FLNB: variants seen among roughly 807,000 people sequenced by gnomAD.
The protein encoded by FLNB is filamin-B.
In FLNB, 111 loss-of-function variants were observed where a neutral mutation model predicts 250.6. The observed-to-expected ratio is 0.44, with a 90% CI of 0.38 to 0.52. The LOEUF (loss-of-function observed/expected upper bound fraction) is 0.52, where lower values mean the gene tolerates loss of function less well. FLNB is among the 20% of genes least tolerant of loss of function. The pLI, the probability that FLNB is intolerant of heterozygous loss-of-function variation, is 0.00. For synonymous variants in FLNB, 1,302 were observed against 1,372.1 expected, an observed-to-expected ratio of 0.95 and a Z score of 1.13; for missense variants, 2,869 against 3,447.8, an observed-to-expected ratio of 0.83 and a Z score of 4.20.
intron 4 of FLNB, among the ~76,000 whole-genome samples, chr3:58,091,549 G>GA (rs1424598639): frequency 6.6e-6 from 1 of 151,412 alleles, no homozygotes; most frequent in Non-Finnish European, 1.5e-5. Context: ...AAAACTTTGA[G>GA]AAAAAAACAT....
intron 1 of FLNB, among the ~76,000 whole-genome samples, chr3:58,076,521 G>A (rs867835065): frequency 2.6e-5 from 4 of 152,006 alleles, no homozygotes; most frequent in Non-Finnish European, 5.9e-5. Context: ...GTGGCGTGAC[G>A]TCAGCTCTCT....
chr3:58,115,268 T>G (rs2097275948), intron 18 of FLNB, among the ~76,000 whole-genome samples: 1 of 152,216 alleles, frequency 6.6e-6, no homozygotes, highest in Non-Finnish European at 1.5e-5. Context: ...TGTTGCCAAA[T>G]TCTCCATATT....
chr3:58,078,752 A>G lies in FLNB; in HGVS notation c.577A>G (p.Lys193Glu). The G allele has an allele frequency of 6.2e-7, 1 of 1,613,988 alleles. No homozygotes were observed. The change falls in exon 3 of 46, where the codon AAG (lysine) becomes GAG (glutamate). Residue 193 changes from lysine (K) to glutamate (E), a missense_variant. Lys to Glu is a moderately conservative substitution (Grantham distance 56). Coordinates refer to ENST00000295956, the MANE Select transcript of FLNB (RefSeq NM_001457.4). ...CPDWESWDPQ[K>E]PVDNAREAMQ... is the part of the protein sequence containing the mutation. ...AGACTGGGAATCCTGGGACCCGCAG[A>G]AGCCTGTGGATAATGCACGAGAAGC... is the stretch of plus-strand genomic sequence containing the variant.
At chr3:58,126,190 A>G (rs1420364673) in intron 23 of FLNB, among the ~76,000 whole-genome samples, 1 of 152,228 alleles carries the variant, frequency 6.6e-6, no homozygotes, top group Non-Finnish European at 1.5e-5. Context: ...CAGCCTGGCC[A>G]ACATGGCAAA....
At chr3:58,129,960 T>G (rs1434637941) in intron 24 of FLNB, among the ~76,000 whole-genome samples, 1 of 152,202 alleles carries the variant, frequency 6.6e-6, no homozygotes, top group African/African-American at 2.4e-5. Flanking sequence ...TCGACTCCTC[T>G]GTGCTTCATC....
At chr3:58,032,657 A>G (rs2097132591) in intron 1 of FLNB, among the ~76,000 whole-genome samples, 1 of 152,116 alleles carries the variant, frequency 6.6e-6, no homozygotes. Context: ...ACACCTTTAC[A>G]CTGTGGCCAA....
In FLNB at chr3:58,148,112, G is replaced by C. The variant is rs1045741117; in HGVS notation, c.5729-94G>C. On this transcript the variant is annotated intron_variant, in intron 34 of 45. Transcript: ENST00000295956. ...ACTTAACTTTGTGTAATTAGTTCTT[G>C]CGTGTTCATCCGTGAACAGCATATG... is the stretch of plus-strand genomic sequence containing the variant. 31 of 1,254,286 alleles carry C rather than the reference G, an allele frequency of 2.5e-5. No homozygotes were observed. In the South Asian group the frequency reaches 3.8e-4, roughly 15 times the overall value. 77.7% of individuals were successfully genotyped at this position (1,254,286 alleles called of 1,614,324 possible). A position where few individuals can be genotyped will look rare whatever the true frequency, so the allele number is the denominator to read the frequency against.
At chr3:58,043,289 C>T (rs11130612) in intron 1 of FLNB, among the ~76,000 whole-genome samples, 39,613 of 151,488 alleles carry the variant, frequency 0.26, 5,975 homozygotes, top group Middle Eastern at 0.44. Context: ...CACACTCCAC[C>T]GTGTCCGGCT....
intron 28 of FLNB, among the ~76,000 whole-genome samples, chr3:58,136,982 A>G (rs927862004): frequency 1.3e-5 from 2 of 151,884 alleles, no homozygotes; most frequent in African/African-American, 4.8e-5. Context: ...CAGCCTCCCA[A>G]AGTGCTGGGA....
At chr3:58,132,420 T>C (rs550075455) in intron 25 of FLNB, 59 of 406,110 alleles carry the variant, frequency 1.5e-4, no homozygotes, top group Middle Eastern at 1.5e-3. Flanking sequence ...CTGGACTCTT[T>C]GGCAGTGTCT....
chr3:58,112,905 G>A (rs978598762), intron 18 of FLNB, among the ~76,000 whole-genome samples: 1 of 151,982 alleles, frequency 6.6e-6, no homozygotes, highest in African/African-American at 2.4e-5. Flanking sequence ...CAAAATGCAG[G>A]ATTTCACATG....
chr3:58,100,467 G>T (rs567627005), intron 8 of FLNB, among the ~76,000 whole-genome samples: 88 of 148,882 alleles, frequency 5.9e-4, no homozygotes, highest in African/African-American at 2.1e-3. Context: ...TGGCTCACTT[G>T]TAGCCTCGAC....
chr3:58,076,901 C>G (rs1341170538), intron 1 of FLNB, 145 bp from the exon 2 acceptor site: 4 of 995,114 alleles, frequency 4.0e-6, no homozygotes, highest in Non-Finnish European at 6.3e-6. Flanking sequence ...TGTTTTGAAG[C>G]AAATTTCAGC....
rs775349332 is a variant in FLNB at position 58,143,472 on chromosome 3, G to A, written c.5285-1G>A. On this transcript the variant is annotated splice_acceptor_variant, in intron 31 of 45. Transcript: ENST00000295956. LOFTEE classifies it high-confidence loss of function. Reference sequence around the variant, plus strand: ...TTGCCCCGTCTCTCTGTGCTCCATAGGAGAGGTCCACATGCCTTCTGGGAA... The same window carrying A: ...TTGCCCCGTCTCTCTGTGCTCCATAAGAGAGGTCCACATGCCTTCTGGGAA... 6.2e-7 allele frequency: 1 copy of A among 1,614,158 alleles called. No individual in the cohort carries two copies. Among genetic ancestry groups the A allele is most frequent in the South Asian group, 1.1e-5 (1 of 91,082 alleles).
rs17058856 is a variant in FLNB, at chr3:58,129,090, G to A, written c.4223-1651G>A. On this transcript the variant is annotated intron_variant, in intron 24 of 45. Transcript: ENST00000295956. Reference sequence around the variant, plus strand: ...TAATTTGCTTTCATGGTAATTCTGGGTGCTTAAATATTAGCCTAGTTTTTC... The same window carrying A: ...TAATTTGCTTTCATGGTAATTCTGGATGCTTAAATATTAGCCTAGTTTTTC... Among the ~76,000 whole-genome samples the A allele has an allele frequency of 6.6e-3, 1,012 of 152,316 alleles. 8 individuals carry two copies. Among genetic ancestry groups the A allele is most frequent in the African/African-American group, 0.023 (964 of 41,566 alleles).
intron 1 of FLNB, among the ~76,000 whole-genome samples, chr3:58,073,020 AAGTTTG>A (rs947491288): frequency 2.0e-5 from 3 of 152,176 alleles, no homozygotes; most frequent in Non-Finnish European, 2.9e-5. Flanking sequence ...TAACTTGGGA[AAGTTTG>A]AGTTTTGCAG....
At position 58,106,352 on chromosome 3, in the gene FLNB, C is replaced by CTATATATATATATATATATATATATA. The variant is rs10540627; in HGVS notation, c.1748-303_1748-302insATATATATATATATATATATATATAT. Among the ~76,000 whole-genome samples, 116 of 132,932 alleles carry CTATATATATATATATATATATATATA rather than the reference C, an allele frequency of 8.7e-4. 2 individuals are homozygous for CTATATATATATATATATATATATATA. The highest frequency in any genetic ancestry group is 1.2e-3 in the Non-Finnish European group (71 of 61,250). 87.2% of individuals were successfully genotyped at this position (132,932 alleles called of 152,430 possible). A position where few individuals can be genotyped will look rare whatever the true frequency, so the allele number is the denominator to read the frequency against. On this transcript the variant is annotated intron_variant, in intron 11 of 45. Transcript: ENST00000295956. ...TAAAATACATATAATGTATTTAATA[C>CTATATATATATATATATATATATATA]TATATATATATATATATATATATAT...
chr3:58,094,991 T>A, intron 5 of FLNB, 37 bp downstream of exon 5: 1 of 1,497,206 alleles, frequency 6.7e-7, no homozygotes, highest in Non-Finnish European at 9.3e-7. Flanking sequence ...TTCCAGCACC[T>A]CATGGAGCTT....
intron 3 of FLNB, 106 bp downstream of exon 3, chr3:58,078,920 C>A: frequency 1.3e-6 from 1 of 754,752 alleles, no homozygotes; most frequent in Non-Finnish European, 2.3e-6. Context: ...ATTGAGACTT[C>A]AGAGAGCATT....
Sources: gnomAD v4.1 joint callset for allele counts (sites outside exome capture counted in the v4.1 genomes callset) on GRCh38, gnomAD v4.1.1 for gene constraint, MANE v1.5 for transcripts, NCBI Gene and HGNC (gene_info 2026-07-23, HGNC 2026-07-21) for gene names.